TOR1A: variants seen among roughly 807,000 people sequenced by gnomAD.
TOR1A encodes the protein torsin family 1 member A, also known as torsin-1A.
In TOR1A, 18 loss-of-function variants were observed where a neutral mutation model predicts 31.4. The ratio of observed to expected loss-of-function variants is 0.57; its 90% CI spans 0.40 to 0.85. The LOEUF (loss-of-function observed/expected upper bound fraction) is 0.85, where lower values mean the gene tolerates loss of function less well. Among genes scored for constraint, TOR1A ranks in the 40% least tolerant of loss-of-function variants. The pLI, the probability that TOR1A is intolerant of heterozygous loss-of-function variation, is 0.00. For synonymous variants in TOR1A, 168 were observed against 165.9 expected, an observed-to-expected ratio of 1.01 and a Z score of -0.10; for missense variants, 375 against 416.4, an observed-to-expected ratio of 0.90 and a Z score of 0.87.
chr9:129,823,107 G>A (rs1373161427), intron 1 of TOR1A, among the ~76,000 whole-genome samples: 2 of 152,126 alleles, frequency 1.3e-5, no homozygotes, highest in African/African-American at 2.4e-5. Context: ...ACTGCCACCA[G>A]TTTGCACCCC....
In TOR1A at chr9:129,818,325, G is replaced by A. The variant is rs1223341395; in HGVS notation, c.748+195C>T. On this transcript the variant is annotated intron_variant, in intron 4 of 4. Transcript: ENST00000351698. ...GAAAAATAAAAATAAAACAGCACTT[G>A]TCAAACATTAGTGTTCATAAAAGTT... The A allele has an allele frequency of 8.9e-6, 7 of 785,470 alleles. No homozygotes were observed. The South Asian group carries it at 1.1e-4, about 12-fold the overall frequency. 48.7% of individuals were successfully genotyped at this position (785,470 alleles called of 1,614,324 possible).
chr9:129,819,735 C>T (rs13283469), intron 2 of TOR1A, among the ~76,000 whole-genome samples: 25,295 of 149,896 alleles, frequency 0.17, 2,549 homozygotes, highest in Non-Finnish European at 0.22. Context: ...TCCAGCGTGG[C>T]GACAGAGCAA....
chr9:129,823,196 A>G (rs1274194818), intron 1 of TOR1A: 4 of 390,320 alleles, frequency 1.0e-5, no homozygotes, highest in Non-Finnish European at 2.0e-5. Context: ...CGGCTGCGGA[A>G]GAGTCCTCAC....
Position 129,823,989 on chromosome 9 carries a change from C to A in TOR1A, c.97G>T (p.Val33Phe), listed in dbSNP as rs1275537254. 1 of 1,611,302 alleles carries A rather than the reference C, an allele frequency of 6.2e-7. No homozygotes were observed. The highest frequency in any genetic ancestry group is 1.7e-4 in the Middle Eastern group (1 of 5,950). Residue 33 changes from valine (V) to phenylalanine (F), a missense_variant, in exon 1 of 5, where the codon GTC becomes TTC. By Grantham distance (50) the Val-to-Phe change is conservative. Coordinates refer to ENST00000351698, the MANE Select transcript of TOR1A (RefSeq NM_000113.3). ...CGCGGGTAGATGTAGCCGGTGAGGA[C>A]GCCGGCCAGGGCCAGTCCCAGGCTG... Reference protein sequence around the residue: ...PISLGLALAGVLTGYIYPRLY... With the variant: ...PISLGLALAGFLTGYIYPRLY...
In TOR1A at chr9:129,814,115, G is replaced by A. The variant is rs1297344700; in HGVS notation, c.856C>T (p.Gln286Ter). 7 of 1,614,214 alleles carry A rather than the reference G, an allele frequency of 4.3e-6. No individual in the cohort carries two copies. Among genetic ancestry groups the A allele is most frequent in the Non-Finnish European group, 5.9e-6 (7 of 1,180,036 alleles). ...HLKMCIRVEM[Q>*]SRGYEIDEDI... ...TCATCAATTTCATAGCCTCGGGACT[G>A]CATTTCCACTCGGATACACATTTTT... The change falls in exon 5 of 5, where the codon CAG becomes TAG. Residue 286 changes from glutamine (Q) to a stop codon, truncating the protein, a stop_gained. Coordinates refer to ENST00000351698, the MANE Select transcript of TOR1A (RefSeq NM_000113.3). LOFTEE classifies it high-confidence loss of function.
chr9:129,814,024 T>C lies in TOR1A; in HGVS notation c.947A>G (p.Asp316Gly). 6.2e-7 allele frequency: 1 copy of C among 1,614,204 alleles called. No individual in the cohort carries two copies. Among genetic ancestry groups the C allele is most frequent in the Middle Eastern group, 1.6e-4 (1 of 6,062 alleles). ...FFPKEERVFS[D>G]KGCKTVFTKL... ...GGTGAACACCGTTTTGCAGCCTTTA[T>C]CTGAGAAAACTCTCTCCTCTTTGGG... The change falls in exon 5 of 5, where the codon GAT (aspartate) becomes GGT (glycine). Residue 316 changes from aspartate (D) to glycine (G), a missense_variant. Transcript: ENST00000351698.
At chr9:129,821,118 C>T (rs1167034331) in intron 2 of TOR1A, among the ~76,000 whole-genome samples, 1 of 151,762 alleles carries the variant, frequency 6.6e-6, no homozygotes, top group Non-Finnish European at 1.5e-5. Context: ...GCCTGGCCAA[C>T]AAGGTGAAAC....
intron 4 of TOR1A, among the ~76,000 whole-genome samples, chr9:129,817,725 G>A (rs2031075213): frequency 1.3e-5 from 2 of 149,312 alleles, no homozygotes; most frequent in Non-Finnish European, 3.0e-5. Flanking sequence ...CAGCAGGCCA[G>A]GTATGTAGCT....
intron 4 of TOR1A, among the ~76,000 whole-genome samples, chr9:129,816,492 CTTT>C (rs1554735883): frequency 6.6e-6 from 1 of 152,318 alleles, no homozygotes; most frequent in East Asian, 1.9e-4. Context: ...CATTTTCTTT[CTTT>C]ATTATCACTA....
At chr9:129,819,009 TACAG>T in intron 2 of TOR1A, 89 bp from the exon 3 acceptor site, 1 of 1,443,108 alleles carries the variant, frequency 6.9e-7, no homozygotes, top group Non-Finnish European at 9.5e-7. Context: ...CAGCTTCACT[TACAG>T]ACCACTGTGC....
chr9:129,819,749 T>C (rs1013918833), intron 2 of TOR1A, among the ~76,000 whole-genome samples: 1 of 145,412 alleles, frequency 6.9e-6, no homozygotes, highest in Non-Finnish European at 1.5e-5. Context: ...AGAGCAAGAC[T>C]CCATTAAAAA....
intron 4 of TOR1A, among the ~76,000 whole-genome samples, chr9:129,816,185 CCTGGACGTG>C (rs1288032819): frequency 6.6e-6 from 1 of 152,186 alleles, no homozygotes; most frequent in Non-Finnish European, 1.5e-5. Flanking sequence ...CCCTCGGGCC[CCTGGACGTG>C]CTGTCCGCAC....
rs746879786 is a variant in TOR1A, at chr9:129,823,860, G to GCCCAGCCCCAGC, written c.178+36_178+47dup. 63 of 1,523,448 alleles carry GCCCAGCCCCAGC rather than the reference G, an allele frequency of 4.1e-5. 2 individuals carry two copies. In the South Asian group the frequency reaches 7.2e-4, roughly 17 times the overall value. The allele number at this position is 1,523,448 out of a possible 1,614,324, so 94.4% of individuals were successfully genotyped here. ...GTCCTAGTTCAGCCCTAGTGCCATC[G>GCCCAGCCCCAGC]CCCAGCCCCAGCCCCAGCCCCAGCC... On this transcript the variant is annotated intron_variant, in intron 1 of 4. Transcript: ENST00000351698.
At chr9:129,823,435 C>T in intron 1 of TOR1A, 1 of 286,034 alleles carries the variant, frequency 3.5e-6, no homozygotes, top group Non-Finnish European at 6.8e-6. Context: ...TCAGCTCTGC[C>T]CAGGCCCGGC....
At chr9:129,816,787 T>A (rs553030951) in intron 4 of TOR1A, among the ~76,000 whole-genome samples, 1 of 152,242 alleles carries the variant, frequency 6.6e-6, no homozygotes, top group Non-Finnish European at 1.5e-5. Context: ...TCATGTTTTT[T>A]GGCAAGGCAA....
intron 2 of TOR1A, 121 bp downstream of exon 2, chr9:129,822,460 G>T: frequency 7.4e-7 from 1 of 1,360,482 alleles, no homozygotes; most frequent in Non-Finnish European, 1.0e-6. Flanking sequence ...AAGGGGAACT[G>T]AGACATGAAC....
At chr9:129,817,847 A>AT (rs1479637853) in intron 4 of TOR1A, among the ~76,000 whole-genome samples, 2 of 133,692 alleles carry the variant, frequency 1.5e-5, no homozygotes, top group Non-Finnish European at 3.5e-5. Flanking sequence ...CCAAAAAAAA[A>AT]AAAAAAAAAA....
intron 2 of TOR1A, among the ~76,000 whole-genome samples, chr9:129,819,930 C>CA (rs1311597597): frequency 0.036 from 3,578 of 98,078 alleles, 80 homozygotes; most frequent in South Asian, 0.099. Context: ...GACTCCGTCT[C>CA]AAAAAAAAAA....
Position 129,813,708 on chromosome 9 carries a change from A to G in TOR1A, c.*264T>C. On this transcript the variant is annotated 3_prime_UTR_variant, in exon 5 of 5. Coordinates refer to ENST00000351698, the MANE Select transcript of TOR1A (RefSeq NM_000113.3). ...ATTAAAACATAATTTGTAAAAAATC[A>G]TGAGCCCTGCGATGAGTGGGCTGGG... 1 of 562,984 alleles carries G rather than the reference A, an allele frequency of 1.8e-6. No homozygotes were observed. The highest frequency in any genetic ancestry group is 3.2e-6 in the Non-Finnish European group (1 of 314,686). The allele number at this position is 562,984 out of a possible 1,614,324, so 34.9% of individuals were successfully genotyped here.
Sources: allele counts gnomAD v4.1 joint callset (sites outside exome capture counted in the v4.1 genomes callset), GRCh38; gene constraint gnomAD v4.1.1; transcripts MANE v1.5; gene names NCBI Gene and HGNC (gene_info 2026-07-23, HGNC 2026-07-21).